Variants in HHAT observed in about 807,000 individuals in gnomAD.
HHAT encodes the protein hedgehog acyltransferase, also known as protein-cysteine N-palmitoyltransferase HHAT.
In HHAT, 47 loss-of-function variants were observed where a neutral mutation model predicts 70.8. The observed-to-expected ratio is 0.66, with a 90% CI of 0.53 to 0.85. HHAT has a LOEUF of 0.85. Among genes scored for constraint, HHAT ranks in the 40% least tolerant of loss-of-function variants. The probability of loss-of-function intolerance (pLI) is 0.00; values close to 1 mark genes in which losing one functional copy is unlikely to be tolerated. For synonymous variants in HHAT, 228 were observed against 247.6 expected (o/e 0.92, Z 0.74); for missense variants, 609 against 604.8 (o/e 1.01, Z -0.07).
intron 9 of HHAT, among the ~76,000 whole-genome samples, chr1:210,572,967 A>G (rs1656709954): frequency 6.6e-6 from 1 of 152,196 alleles, no homozygotes; most frequent in Non-Finnish European, 1.5e-5. Context: ...AGTTAACTTC[A>G]TGGCAGCAGA....
intron 11 of HHAT, among the ~76,000 whole-genome samples, chr1:210,660,279 CAG>C (rs1011709798): frequency 3.9e-5 from 6 of 152,106 alleles, no homozygotes; most frequent in Non-Finnish European, 7.4e-5. Context: ...AACAGACAAA[CAG>C]AGAGCGAAAT....
rs1418836773 is a variant in HHAT, at chr1:210,519,986, A to G, written c.1043+6798A>G. Among the ~76,000 whole-genome samples the G allele has an allele frequency of 5.3e-5, 8 of 151,464 alleles. No individual in the cohort carries two copies. In the East Asian group the frequency reaches 9.7e-4, roughly 18 times the overall value. ...GTATATCTTCCTTTGAGAAATGTCTATTAAAGTCTTCAGCTCATTTTAAAA... is the reference window on the plus strand; with the variant it reads ...GTATATCTTCCTTTGAGAAATGTCTGTTAAAGTCTTCAGCTCATTTTAAAA... On this transcript the variant is annotated intron_variant, in intron 9 of 11. Transcript: ENST00000261458.
At chr1:210,656,025 G>A (rs1227362641) in intron 11 of HHAT, among the ~76,000 whole-genome samples, 1 of 152,166 alleles carries the variant, frequency 6.6e-6, no homozygotes, top group Non-Finnish European at 1.5e-5. Context: ...CCCAGATGCT[G>A]AGTGATTCCA....
intron 11 of HHAT, among the ~76,000 whole-genome samples, chr1:210,666,338 A>G (rs1204780860): frequency 6.6e-6 from 1 of 152,216 alleles, no homozygotes; most frequent in Non-Finnish European, 1.5e-5. Context: ...TGTGTGGTTA[A>G]GAAAGCTTTT....
At chr1:210,439,929 C>G (rs1000408987) in intron 7 of HHAT, among the ~76,000 whole-genome samples, 4 of 151,812 alleles carry the variant, frequency 2.6e-5, no homozygotes, top group Non-Finnish European at 5.9e-5. Context: ...TCTATAGATA[C>G]CTTGCAAGGG....
intron 9 of HHAT, among the ~76,000 whole-genome samples, chr1:210,557,276 C>T (rs992423652): frequency 6.6e-6 from 1 of 152,194 alleles, no homozygotes; most frequent in African/African-American, 2.4e-5. Flanking sequence ...GTGGAGGACC[C>T]ATAATAAATG....
intron 1 of HHAT, among the ~76,000 whole-genome samples, chr1:210,330,957 G>T (rs73065646): frequency 0.023 from 3,489 of 152,042 alleles, 133 homozygotes; most frequent in African/African-American, 0.072. Context: ...TAGCTTACAG[G>T]CATGCGACAC....
intron 11 of HHAT, among the ~76,000 whole-genome samples, chr1:210,654,768 G>T (rs1024724082): frequency 6.6e-5 from 10 of 152,226 alleles, no homozygotes; most frequent in Admixed American, 5.9e-4. Context: ...TAGGAAGGAG[G>T]TGGGAGGCTC....
chr1:210,613,058 T>G (rs1396266744), intron 10 of HHAT, among the ~76,000 whole-genome samples: 1 of 152,202 alleles, frequency 6.6e-6, no homozygotes, highest in Non-Finnish European at 1.5e-5. Context: ...CTCCCATTCC[T>G]GGGTTGTCTT....
chr1:210,484,927 A>G (rs1390445027), intron 8 of HHAT, among the ~76,000 whole-genome samples: 1 of 152,080 alleles, frequency 6.6e-6, no homozygotes, highest in Non-Finnish European at 1.5e-5. Context: ...TGCCCTGCCA[A>G]TCACCTTTTT....
At chr1:210,648,386 G>A (rs568246823) in intron 11 of HHAT, among the ~76,000 whole-genome samples, 10 of 152,300 alleles carry the variant, frequency 6.6e-5, no homozygotes, top group East Asian at 1.9e-4. Flanking sequence ...GTCAGCATAC[G>A]TTCAGCTGAC....
chr1:210,566,111 A>G (rs1202726876), intron 9 of HHAT, among the ~76,000 whole-genome samples: 3 of 152,190 alleles, frequency 2.0e-5, no homozygotes, highest in Non-Finnish European at 4.4e-5. Context: ...CTTTGCTGCT[A>G]CAATGTTGGT....
chr1:210,369,519 C>T (rs1343280911), intron 3 of HHAT, among the ~76,000 whole-genome samples: 1 of 152,220 alleles, frequency 6.6e-6, no homozygotes, highest in Non-Finnish European at 1.5e-5. Flanking sequence ...TTTAATACTT[C>T]AGGAAAACAA....
intron 6 of HHAT, among the ~76,000 whole-genome samples, chr1:210,414,760 G>A (rs1176737118): frequency 6.6e-6 from 1 of 152,192 alleles, no homozygotes; most frequent in Non-Finnish European, 1.5e-5. Context: ...GCTCACACCT[G>A]TAATCCTAGC....
At chr1:210,457,806 C>T (rs551116230) in intron 7 of HHAT, among the ~76,000 whole-genome samples, 29 of 152,172 alleles carry the variant, frequency 1.9e-4, no homozygotes, top group Non-Finnish European at 3.1e-4. Context: ...TGTTTACCCC[C>T]GGGAAGATCT....
intron 10 of HHAT, among the ~76,000 whole-genome samples, chr1:210,599,312 A>G (rs1464597735): frequency 6.6e-6 from 1 of 152,218 alleles, no homozygotes; most frequent in East Asian, 1.9e-4. Context: ...ATTAAAGGTT[A>G]AAGGCATATA....
intron 9 of HHAT, among the ~76,000 whole-genome samples, chr1:210,568,658 C>T (rs1266348334): frequency 9.9e-5 from 15 of 152,174 alleles, no homozygotes; most frequent in Non-Finnish European, 1.5e-5. Flanking sequence ...TAGAGGTTGC[C>T]ATTGGTTACT....
At chr1:210,542,228 C>T (rs1558126745) in intron 9 of HHAT, among the ~76,000 whole-genome samples, 1 of 152,144 alleles carries the variant, frequency 6.6e-6, no homozygotes, top group Admixed American at 6.5e-5. Flanking sequence ...ATCTGCCTGC[C>T]TCTCCCACCT....
At chr1:210,556,173 C>A (rs1287376885) in intron 9 of HHAT, among the ~76,000 whole-genome samples, 1 of 152,022 alleles carries the variant, frequency 6.6e-6, no homozygotes. Context: ...ACATGGAGGG[C>A]GTGTAAATTG....
Sources: allele counts gnomAD v4.1 joint callset (sites outside exome capture counted in the v4.1 genomes callset), GRCh38; gene constraint gnomAD v4.1.1; transcripts MANE v1.5; gene names NCBI Gene and HGNC (gene_info 2026-07-23, HGNC 2026-07-21).